VWF: variants seen among roughly 807,000 people sequenced by gnomAD.
VWF encodes the protein Factor VIII related antigen.
VWF carries 176 observed loss-of-function variants against 308.6 expected under a neutral mutation model. The observed-to-expected ratio is 0.57, with a 90% CI of 0.50 to 0.65. The LOEUF (loss-of-function observed/expected upper bound fraction) is 0.65, where lower values mean the gene tolerates loss of function less well. VWF is among the 30% of genes least tolerant of loss of function. The probability of loss-of-function intolerance (pLI) is 0.00; values close to 1 mark genes in which losing one functional copy is unlikely to be tolerated. For synonymous variants in VWF, 1,385 were observed against 1,443.4 expected (o/e 0.96, Z 0.92); for missense variants, 3,146 against 3,648.2 (o/e 0.86, Z 3.55).
rs1413488746 is a variant in VWF at position 6,044,092 on chromosome 12, TAAC to T, written c.2442+196_2442+198del. ...TGAGGATCAACCCCAGGCATTTTCC[TAAC>T]AACTCCCTCCCTGACTTTGGCAGGG... On this transcript the variant is annotated intron_variant, in intron 18 of 51. Transcript: ENST00000261405. Among the ~76,000 whole-genome samples, 6 of 151,940 alleles carry T rather than the reference TAAC, an allele frequency of 3.9e-5. No homozygotes were observed. The South Asian group carries it at 1.0e-3, about 26-fold the overall frequency.
chr12:6,103,545 TACACACACACACACAC>T (rs139889348), intron 5 of VWF, among the ~76,000 whole-genome samples: 4,981 of 124,172 alleles, frequency 0.04, 694 homozygotes, highest in African/African-American at 0.17. Flanking sequence ...CATATATGTA[TACACACACACACACAC>T]ACACACACAC....
At chr12:6,121,392 A>G in intron 2 of VWF, 54 bp from the exon 3 acceptor site, 2 of 1,599,268 alleles carry the variant, frequency 1.3e-6, no homozygotes, top group Non-Finnish European at 1.7e-6. Flanking sequence ...AACTGGGACC[A>G]TCAGCTCAAA....
intron 5 of VWF, among the ~76,000 whole-genome samples, chr12:6,103,817 G>GA (rs1446491100): frequency 2.0e-5 from 3 of 151,918 alleles, no homozygotes; most frequent in Non-Finnish European, 2.9e-5. Context: ...AAAAATCCTA[G>GA]AAAAAAACCT....
rs970717207 is a variant in VWF, at chr12:6,024,560, A to G, written c.3223-773T>C. On this transcript the variant is annotated intron_variant, in intron 24 of 51. Coordinates refer to ENST00000261405, the MANE Select transcript of VWF (RefSeq NM_000552.5). The surrounding 1 kb of genome is among the most constrained non-coding windows in gnomAD (Gnocchi z 4.0). ...ACCGAAAATCACTGCATAGATAGAA[A>G]GAGAATTGAGATCCATGTTTTCAAC... Among the ~76,000 whole-genome samples, 1 of 152,224 alleles carries G rather than the reference A, an allele frequency of 6.6e-6. No individual in the cohort carries two copies. Among genetic ancestry groups the G allele is most frequent in the Non-Finnish European group, 1.5e-5 (1 of 68,038 alleles).
At chr12:6,122,444 G>A (rs1290026037) in intron 2 of VWF, among the ~76,000 whole-genome samples, 2 of 152,170 alleles carry the variant, frequency 1.3e-5, no homozygotes, top group East Asian at 3.9e-4. Flanking sequence ...GTGTCGGCAG[G>A]TGGGGAAATA....
chr12:6,081,098 G>A (rs979453425), intron 6 of VWF, among the ~76,000 whole-genome samples: 5 of 152,122 alleles, frequency 3.3e-5, no homozygotes, highest in African/African-American at 7.2e-5. Flanking sequence ...ATCCTCCTGC[G>A]TTCAGGAAAG....
chr12:6,072,724 G>A (rs1944795200), intron 8 of VWF, among the ~76,000 whole-genome samples: 1 of 152,170 alleles, frequency 6.6e-6, no homozygotes, highest in African/African-American at 2.4e-5. Flanking sequence ...AAGAATGTGT[G>A]TGCTGCTTCC....
chr12:5,982,136 T>C (rs551529056), intron 41 of VWF, 145 bp from the exon 42 acceptor site: 239 of 724,740 alleles, frequency 3.3e-4, no homozygotes, highest in Admixed American at 1.7e-3. Context: ...CTGGGAGTTA[T>C]TCAATGTTAC....
At chr12:6,054,903 G>C (rs1047089126) in intron 15 of VWF, among the ~76,000 whole-genome samples, 2 of 152,200 alleles carry the variant, frequency 1.3e-5, no homozygotes, top group African/African-American at 4.8e-5. Context: ...GTCAAGAAAA[G>C]ATTGGGGCAA....
chr12:6,103,503 C>T (rs547510614), intron 5 of VWF, among the ~76,000 whole-genome samples: 2 of 121,352 alleles, frequency 1.6e-5, no homozygotes, highest in South Asian at 2.3e-4. Flanking sequence ...TATACACACA[C>T]GTATATATAT....
intron 8 of VWF, among the ~76,000 whole-genome samples, chr12:6,073,237 C>T (rs1278967024): frequency 6.6e-6 from 1 of 152,202 alleles, no homozygotes; most frequent in African/African-American, 2.4e-5. Flanking sequence ...CTTTCTAGTG[C>T]AGAGCCCTTT....
chr12:6,050,831 T>C (rs1450797819), intron 16 of VWF, among the ~76,000 whole-genome samples: 2 of 152,082 alleles, frequency 1.3e-5, no homozygotes, highest in African/African-American at 4.8e-5. Flanking sequence ...GGCAGGTGCC[T>C]GTAATCCCAG....
At chr12:6,026,539 C>G (rs1944194862) in intron 22 of VWF, among the ~76,000 whole-genome samples, 1 of 152,194 alleles carries the variant, frequency 6.6e-6, no homozygotes, top group Admixed American at 6.5e-5. Context: ...CAGAATTCTG[C>G]TCTCTCATAA....
chr12:6,019,696 C>T lies in VWF; in HGVS notation c.3722G>A (p.Gly1241Glu), dbSNP rs1408494737. 1 of 1,613,426 alleles carries T rather than the reference C, an allele frequency of 6.2e-7. No individual in the cohort carries two copies. The highest frequency in any genetic ancestry group is 1.3e-5 in the African/African-American group (1 of 74,834). Residue 1241 changes from glycine to glutamate, a missense_variant, in exon 28 of 52, where the codon GGA becomes GAA. Around this residue, in one of 3 missense-constraint regions of VWF, gnomAD observed 853 missense variants for 1,177.8 expected, o/e 0.72. Transcript: ENST00000261405. This position sits in a 1 kb window ranked among gnomAD's most constrained non-coding sequence, Gnocchi z 5.8. The stretch of plus-strand genomic sequence containing the variant: ...ATCTGTGGGAGGCACCACCAGGCCT[C>T]CCGGCTCCTGGCAGGCTTCACAGGT... The part of the protein sequence containing the change: ...NLTCEACQEP[G>E]GLVVPPTDAP...
chr12:6,016,366 G>A (rs1459665698), intron 30 of VWF, 134 bp from the exon 31 acceptor site: 9 of 1,477,136 alleles, frequency 6.1e-6, no homozygotes, highest in Non-Finnish European at 8.4e-6. Context: ...GAGATCTGGA[G>A]AGACGTGGAA....
intron 27 of VWF, chr12:6,021,671 T>C: frequency 1.8e-6 from 1 of 548,978 alleles, no homozygotes. Context: ...TGGAGGAATA[T>C]ATGTGGAGGA....
chr12:6,002,877 CA>C (rs56832330), intron 34 of VWF, among the ~76,000 whole-genome samples: 45,155 of 147,672 alleles, frequency 0.31, 7,149 homozygotes, highest in East Asian at 0.49. Flanking sequence ...TCCCCCACCA[CA>C]AAAAAAAAAC....
intron 34 of VWF, among the ~76,000 whole-genome samples, chr12:6,002,898 A>G (rs1943887855): frequency 6.6e-6 from 1 of 152,124 alleles, no homozygotes. Flanking sequence ...CAAAAAACCT[A>G]CAGGGTGGGA....
At position 5,971,721 on chromosome 12, in the gene VWF, G is replaced by T. The variant is rs1565814195; in HGVS notation, c.7438-12C>A. The T allele has an allele frequency of 1.9e-6, 3 of 1,612,326 alleles. No individual in the cohort carries two copies. Among genetic ancestry groups the T allele is most frequent in the African/African-American group, 1.3e-5 (1 of 74,912 alleles). ...ACGTAAGTGAAGCCCTGGAAAAGCA[G>T]AAAAAACAGAGTAAGGACAGGCCAG... On this transcript the variant is annotated splice_polypyrimidine_tract_variant and intron_variant, in intron 43 of 51. Coordinates refer to ENST00000261405, the MANE Select transcript of VWF (RefSeq NM_000552.5).
Sources: gnomAD v4.1 joint callset for allele counts (sites outside exome capture counted in the v4.1 genomes callset) on GRCh38, gnomAD v4.1.1 for gene constraint, gnomAD v4.1.1 regional missense constraint, Gnocchi (gnomAD v3.1) non-coding constraint, MANE v1.5 for transcripts, NCBI Gene and HGNC (gene_info 2026-07-23, HGNC 2026-07-21) for gene names.